CHIT1: variants seen among roughly 807,000 people sequenced by gnomAD.
The protein encoded by CHIT1 is chitotriosidase-1.
CHIT1 carries 47 observed loss-of-function variants against 52.0 expected under a neutral mutation model. The ratio of observed to expected loss-of-function variants is 0.90; its 90% CI spans 0.71 to 1.15. The LOEUF is 1.15. Among genes scored for constraint, CHIT1 ranks in the 50% most tolerant of loss-of-function variants. The pLI, the probability that CHIT1 is intolerant of heterozygous loss-of-function variation, is 0.00. For synonymous variants in CHIT1, 242 were observed against 228.2 expected (o/e 1.06, Z -0.54); for missense variants, 569 against 583.0 (o/e 0.98, Z 0.25).
chr1:203,225,871 C>G lies in CHIT1; in HGVS notation c.56-1G>C, dbSNP rs1256111005. ...TAGCAGACCAGTTTTGCAGCAGAGCCTGGCCCGTTGGAGTAAAGAAAAGGG... is the reference window on the plus strand; with the variant it reads ...TAGCAGACCAGTTTTGCAGCAGAGCGTGGCCCGTTGGAGTAAAGAAAAGGG... On this transcript the variant is annotated splice_acceptor_variant, in intron 2 of 10. Transcript: ENST00000367229. LOFTEE classifies it high-confidence loss of function. 6.2e-7 allele frequency: 1 copy of G among 1,614,180 alleles called. No homozygotes were observed. Among genetic ancestry groups the G allele is most frequent in the Non-Finnish European group, 8.5e-7 (1 of 1,180,024 alleles).
At chr1:203,225,981 G>C in intron 2 of CHIT1, 111 bp from the exon 3 acceptor site, 3 of 1,145,988 alleles carry the variant, frequency 2.6e-6, no homozygotes, top group Non-Finnish European at 3.9e-6. Flanking sequence ...TCTACACCTG[G>C]AGTCAGTGGA....
chr1:203,217,324 C>G, intron 10 of CHIT1, 191 bp from the exon 11 acceptor site: 1 of 1,527,618 alleles, frequency 6.5e-7, no homozygotes, highest in Non-Finnish European at 8.8e-7. Flanking sequence ...CACAGTGCCA[C>G]AGGCAACACC....
chr1:203,223,409 G>C, intron 5 of CHIT1, 86 bp downstream of exon 5: 1 of 1,597,432 alleles, frequency 6.3e-7, no homozygotes, highest in East Asian at 2.2e-5. Flanking sequence ...CTGGCTCTGG[G>C]GGCAGAGCAG....
Position 203,217,030 on chromosome 1 carries a change from G to A in CHIT1, c.1260C>T (p.Cys420=). The A allele has an allele frequency of 1.9e-6, 3 of 1,614,130 alleles. No homozygotes were observed. Among genetic ancestry groups the A allele is most frequent in the Non-Finnish European group, 2.5e-6 (3 of 1,180,042 alleles). ...GATAGAGCCCATCAGCTTTGCCCTGGCAGAACGTGTCTTGTCCAGGGCTGG... is the reference window on the plus strand; with the variant it reads ...GATAGAGCCCATCAGCTTTGCCCTGACAGAACGTGTCTTGTCCAGGGCTGG... The part of the protein sequence containing the change: ...HGPSPGQDTF[C]QGKADGLYPN... Residue 420 remains cysteine (C), a synonymous_variant, in exon 11 of 11, where the codon TGC becomes TGT. Transcript: ENST00000367229.
At chr1:203,229,208 G>A (rs976802436) in intron 1 of CHIT1, among the ~76,000 whole-genome samples, 8 of 152,220 alleles carry the variant, frequency 5.3e-5, no homozygotes, top group Non-Finnish European at 1.0e-4. Flanking sequence ...TTGCAGGACA[G>A]ACAATATGAG....
At chr1:203,221,822 G>A (rs561359098) in intron 7 of CHIT1, among the ~76,000 whole-genome samples, 66 of 152,222 alleles carry the variant, frequency 4.3e-4, no homozygotes, top group African/African-American at 1.6e-3. Context: ...CCTTCCAGAA[G>A]GTCAACCAGT....
At chr1:203,228,491 C>A in intron 2 of CHIT1, 42 bp downstream of exon 2, 1 of 1,568,308 alleles carries the variant, frequency 6.4e-7, no homozygotes, top group Non-Finnish European at 8.7e-7. Flanking sequence ...TTAAGCAGAG[C>A]CCAGGGAAGG....
At chr1:203,223,414 G>A in intron 5 of CHIT1, 81 bp downstream of exon 5, 1 of 1,600,990 alleles carries the variant, frequency 6.2e-7, no homozygotes, top group Non-Finnish European at 8.5e-7. Context: ...TCTGGGGGCA[G>A]AGCAGCCCCC....
Position 203,223,555 on chromosome 1 carries a change from C to T in CHIT1, c.420G>A (p.Glu140=), listed in dbSNP as rs1305843657. The change falls in exon 5 of 11, where the codon GAG becomes GAA. Residue 140 remains glutamate, a synonymous_variant. Transcript: ENST00000367229. ...CAGGGCTCCCCTGGCTTCCTGGGTA[C>T]TCCCAGTCAAGGTCAAGGCCGTCAA... is the stretch of plus-strand genomic sequence containing the variant. The part of the protein sequence containing the change: ...YSFDGLDLDW[E]YPGSQGSPAV... 1.9e-6 allele frequency: 3 copies of T among 1,614,082 alleles called. No homozygotes were observed. The highest frequency in any genetic ancestry group is 1.3e-5 in the African/African-American group (1 of 74,932).
At chr1:203,221,440 C>T (rs1172097802) in intron 7 of CHIT1, among the ~76,000 whole-genome samples, 5 of 151,936 alleles carry the variant, frequency 3.3e-5, no homozygotes, top group Admixed American at 6.6e-5. Context: ...TTGAGACCAT[C>T]CTGGGCAATA....
Position 203,222,299 on chromosome 1 carries a change from G to A in CHIT1, c.632C>T (p.Ala211Val). Residue 211 changes from alanine to valine, a missense_variant, in exon 7 of 11, where the codon GCC becomes GTC. Physicochemically the swap from Ala to Val is moderately conservative, Grantham distance 64 (BLOSUM62 0). Transcript: ENST00000367229. ...AQNLDFVNLM[A>V]YDFHGSWEKV... ...CTCCCAAGAGCCATGGAAGTCGTAG[G>A]CCATAAGGTTGACAAAATCCAGGTT... 1 of 1,614,180 alleles carries A rather than the reference G, an allele frequency of 6.2e-7. No homozygotes were observed. The highest frequency in any genetic ancestry group is 2.2e-5 in the East Asian group (1 of 44,870).
rs767720182 is a variant in CHIT1 at position 203,223,618 on chromosome 1, A to G, written c.357T>C (p.Phe119=). 1 of 1,614,252 alleles carries G rather than the reference A, an allele frequency of 6.2e-7. No individual in the cohort carries two copies. Among genetic ancestry groups the G allele is most frequent in the Admixed American group, 1.7e-5 (1 of 60,034 alleles). Residue 119 remains phenylalanine, a synonymous_variant, in exon 5 of 11, where the codon TTT becomes TTC. Transcript: ENST00000367229. ...MVATANNRQT[F]VNSAIRFLRK... Reference sequence around the variant, plus strand: ...GCAGAAACCTGATGGCCGAGTTGACAAAGGTCTGACGGTTGTTGGCCGTGG... The same window carrying G: ...GCAGAAACCTGATGGCCGAGTTGACGAAGGTCTGACGGTTGTTGGCCGTGG...
At chr1:203,223,963 TC>T (rs1656837145) in intron 4 of CHIT1, among the ~76,000 whole-genome samples, 2 of 152,254 alleles carry the variant, frequency 1.3e-5, no homozygotes, top group African/African-American at 4.8e-5. Context: ...CCTTGAATTG[TC>T]CCACCCCAAA....
rs1656521249 is a variant in CHIT1, at chr1:203,216,277, G to T, written c.*612C>A. Reference sequence around the variant, plus strand: ...TAGGGCCTGCAAAGGGCCCAAACAGGATTTATCTCGAAGACCCCTGAGTAC... The same window carrying T: ...TAGGGCCTGCAAAGGGCCCAAACAGTATTTATCTCGAAGACCCCTGAGTAC... On this transcript the variant is annotated 3_prime_UTR_variant, in exon 11 of 11. Transcript: ENST00000367229. 2.2e-6 allele frequency: 1 copy of T among 454,080 alleles called. No homozygotes were observed. The highest frequency in any genetic ancestry group is 4.4e-6 in the Non-Finnish European group (1 of 226,782). The allele number at this position is 454,080 out of a possible 1,614,324, so 28.1% of individuals were successfully genotyped here. A position where few individuals can be genotyped will look rare whatever the true frequency, so the allele number is the denominator to read the frequency against.
intron 1 of CHIT1, 24 bp downstream of exon 1, chr1:203,229,588 C>G: frequency 6.2e-7 from 1 of 1,613,898 alleles, no homozygotes; most frequent in Non-Finnish European, 8.5e-7. Context: ...CTCCCGAGAC[C>G]CAGCCCACTA....
chr1:203,217,913 G>T, intron 9 of CHIT1, 48 bp from the exon 10 acceptor site: 2 of 1,580,414 alleles, frequency 1.3e-6, no homozygotes, highest in Non-Finnish European at 1.7e-6. Context: ...AGCCTGACCC[G>T]GCCACCCCAG....
intron 1 of CHIT1, 103 bp downstream of exon 1, chr1:203,229,509 G>T: frequency 7.3e-7 from 1 of 1,362,368 alleles, no homozygotes; most frequent in Non-Finnish European, 1.0e-6. Context: ...AAGTTCTCCT[G>T]AGTCCTCCTG....
At chr1:203,225,284 C>T (rs1311281399) in intron 3 of CHIT1, among the ~76,000 whole-genome samples, 180 bp from the exon 4 acceptor site, 1 of 152,086 alleles carries the variant, frequency 6.6e-6, no homozygotes, top group Admixed American at 6.6e-5. Context: ...ACGTTCCTGA[C>T]TCACAGAACC....
Position 203,217,772 on chromosome 1 carries a change from A to C in CHIT1, c.1123T>G (p.Tyr375Asp), listed in dbSNP as rs767902609. 6.2e-7 allele frequency: 1 copy of C among 1,613,672 alleles called. No homozygotes were observed. The highest frequency in any genetic ancestry group is 8.5e-7 in the Non-Finnish European group (1 of 1,179,764). ...FAGFSCNQGR[Y>D]PLIQTLRQEL... ...TGCCGTAGCGTCTGGATGAGGGGGT[A>C]TCGGCCCTGGTTGCAGGAGAAGCCG... is the stretch of plus-strand genomic sequence containing the variant. The change falls in exon 10 of 11, where the codon TAC (tyrosine) becomes GAC (aspartate). Residue 375 changes from tyrosine (Y) to aspartate (D), a missense_variant. Tyr to Asp is a radical substitution (Grantham distance 160, BLOSUM62 -3). Transcript: ENST00000367229.
Sources: allele counts gnomAD v4.1 joint callset (sites outside exome capture counted in the v4.1 genomes callset), GRCh38; gene constraint gnomAD v4.1.1; transcripts MANE v1.5; gene names NCBI Gene and HGNC (gene_info 2026-07-23, HGNC 2026-07-21).